Variants in SAMD4A observed in about 807,000 individuals in gnomAD.
SAMD4A encodes protein Smaug homolog 1.
SAMD4A carries 33 observed loss-of-function variants against 81.3 expected under a neutral mutation model. The ratio of observed to expected loss-of-function variants is 0.41; its 90% CI spans 0.31 to 0.54. The LOEUF (loss-of-function observed/expected upper bound fraction) is 0.54, where lower values mean the gene tolerates loss of function less well. SAMD4A is among the 20% of genes least tolerant of loss of function. The pLI is 0.37. For synonymous variants in SAMD4A, 389 were observed against 382.1 expected, an observed-to-expected ratio of 1.02 and a Z score of -0.21; for missense variants, 854 against 951.1, an observed-to-expected ratio of 0.90 and a Z score of 1.34.
intron 2 of SAMD4A, among the ~76,000 whole-genome samples, chr14:54,637,564 C>G (rs1387911955): frequency 6.6e-6 from 1 of 151,990 alleles, no homozygotes; most frequent in Non-Finnish European, 1.5e-5. Context: ...CTCTTTCCAC[C>G]TGGAGAAGAG....
chr14:54,588,584 AT>A lies in SAMD4A; in HGVS notation c.196+20480del, dbSNP rs1192404730. Among the ~76,000 whole-genome samples the A allele has an allele frequency of 4.6e-5, 7 of 151,922 alleles. No individual in the cohort carries two copies. The East Asian group carries it at 7.7e-4, about 17-fold the overall frequency. On this transcript the variant is annotated intron_variant, in intron 2 of 12. Coordinates refer to ENST00000554335, the MANE Select transcript of SAMD4A (RefSeq NM_015589.6). ...TGAGTGCTCCTGTGAACATTTAAGT[AT>A]TTTTTTTGTACACTCTTTTCTACAA...
chr14:54,783,640 G>T (rs186412989), intron 11 of SAMD4A, among the ~76,000 whole-genome samples: 1 of 152,370 alleles, frequency 6.6e-6, no homozygotes, highest in Admixed American at 6.5e-5. Context: ...AGTTGCTGTG[G>T]CAGGTGGCTG....
intron 2 of SAMD4A, among the ~76,000 whole-genome samples, chr14:54,677,009 C>A (rs1466992830): frequency 6.6e-6 from 1 of 152,204 alleles, no homozygotes; most frequent in Non-Finnish European, 1.5e-5. Flanking sequence ...ACGGCACATG[C>A]TCTGCCTGAA....
At chr14:54,766,257 C>G (rs2038540217) in intron 8 of SAMD4A, among the ~76,000 whole-genome samples, 1 of 152,032 alleles carries the variant, frequency 6.6e-6, no homozygotes. Context: ...GAAAAAGCGA[C>G]AAAGGAAGAG....
At chr14:54,732,912 C>A (rs898471751) in intron 3 of SAMD4A, among the ~76,000 whole-genome samples, 1 of 152,014 alleles carries the variant, frequency 6.6e-6, no homozygotes, top group African/African-American at 2.4e-5. Flanking sequence ...ACTCTTATTT[C>A]AATAAATAAA....
rs942339167 is a variant in SAMD4A, at chr14:54,654,149, T to C, written c.197-47913T>C. Among the ~76,000 whole-genome samples, 9 of 152,226 alleles carry C rather than the reference T, an allele frequency of 5.9e-5. No individual in the cohort carries two copies. In the South Asian group the frequency reaches 8.3e-4, roughly 14 times the overall value. The stretch of plus-strand genomic sequence containing the variant: ...GTATTCATTCCTCAGAACCGGTAGA[T>C]GACTATGACATATAATACCCAAGCT... On this transcript the variant is annotated intron_variant, in intron 2 of 12. Coordinates refer to ENST00000554335, the MANE Select transcript of SAMD4A (RefSeq NM_015589.6).
rs2039084464 is a variant in SAMD4A, at chr14:54,784,522, C to G, written c.2045-15C>G. 6.2e-7 allele frequency: 1 copy of G among 1,613,948 alleles called. No individual in the cohort carries two copies. Among genetic ancestry groups the G allele is most frequent in the Non-Finnish European group, 8.5e-7 (1 of 1,179,960 alleles). ...TCTCCTCCTTGTCACCAACATAACC[C>G]TTTATCGCCTGCAGAATTCCAGCTT... On this transcript the variant is annotated splice_polypyrimidine_tract_variant and intron_variant, in intron 11 of 12. Transcript: ENST00000554335.
intron 2 of SAMD4A, among the ~76,000 whole-genome samples, chr14:54,667,604 GC>G (rs2035783313): frequency 1.3e-5 from 2 of 152,200 alleles, no homozygotes; most frequent in Admixed American, 6.5e-5. Flanking sequence ...GGGATCACCA[GC>G]CTCTCTGTTG....
Position 54,568,075 on chromosome 14 carries a change from C to G in SAMD4A, c.159C>G (p.Ala53=), listed in dbSNP as rs368799723. 6.1e-5 allele frequency: 97 copies of G among 1,579,730 alleles called. No individual in the cohort carries two copies. The African/African-American group carries it at 9.8e-4, about 16-fold the overall frequency. The part of the protein sequence containing the change: ...LCLEHSLADC[A]ELHVLEREAN... The stretch of plus-strand genomic sequence containing the variant: ...TGGAGCACTCGCTGGCCGACTGCGC[C>G]GAGCTGCACGTCCTCGAACGCGAGG... The change falls in exon 2 of 13, where the codon GCC becomes GCG. Residue 53 remains alanine, a synonymous_variant. Transcript: ENST00000554335.
intron 2 of SAMD4A, among the ~76,000 whole-genome samples, chr14:54,614,815 C>A (rs973273613): frequency 4.6e-5 from 7 of 152,120 alleles, no homozygotes; most frequent in Non-Finnish European, 8.8e-5. Flanking sequence ...ACTGTTTTCT[C>A]CCGATTTAGA....
chr14:54,771,101 G>A lies in SAMD4A; in HGVS notation c.1715+879G>A, dbSNP rs140979164. ...ATTTTGGGCATTTATTTGCGTAAGCGTGCCTTAAAACATCACTATTTTGGA... is the reference window on the plus strand; with the variant it reads ...ATTTTGGGCATTTATTTGCGTAAGCATGCCTTAAAACATCACTATTTTGGA... On this transcript the variant is annotated intron_variant, in intron 9 of 12. Transcript: ENST00000554335. Among the ~76,000 whole-genome samples the A allele has an allele frequency of 7.9e-3, 1,199 of 152,148 alleles. 8 individuals are homozygous for A. The highest frequency in any genetic ancestry group is 0.014 in the Non-Finnish European group (950 of 68,016).
chr14:54,649,939 C>T (rs2035367715), intron 2 of SAMD4A, among the ~76,000 whole-genome samples: 9 of 152,102 alleles, frequency 5.9e-5, no homozygotes, highest in Admixed American at 5.9e-4. Flanking sequence ...TCTTAGTCTA[C>T]TTAGACTTTT....
chr14:54,613,770 T>C (rs1187686494), intron 2 of SAMD4A, among the ~76,000 whole-genome samples: 1 of 152,230 alleles, frequency 6.6e-6, no homozygotes, highest in Non-Finnish European at 1.5e-5. Context: ...ATCTTTAAAG[T>C]GAAGTTCTCA....
At chr14:54,694,796 C>T in intron 2 of SAMD4A, 1 of 985,364 alleles carries the variant, frequency 1.0e-6, no homozygotes, top group Non-Finnish European at 1.2e-6. Context: ...GGACTACTTC[C>T]CAGCTGGCCT....
At chr14:54,772,420 T>C (rs765475652) in intron 9 of SAMD4A, among the ~76,000 whole-genome samples, 15 of 152,206 alleles carry the variant, frequency 9.9e-5, no homozygotes, top group Non-Finnish European at 1.6e-4. Context: ...GGCTTTGTAA[T>C]AACCCTCGAA....
intron 2 of SAMD4A, among the ~76,000 whole-genome samples, chr14:54,673,776 C>T (rs912932610): frequency 5.9e-5 from 9 of 152,226 alleles, no homozygotes; most frequent in Admixed American, 5.9e-4. Flanking sequence ...GCACTTCTTC[C>T]GGTCATCTTA....
chr14:54,737,244 C>G lies in SAMD4A; in HGVS notation c.936C>G (p.Thr312=), dbSNP rs781341633. The G allele has an allele frequency of 6.2e-7, 1 of 1,613,972 alleles. No individual in the cohort carries two copies. The highest frequency in any genetic ancestry group is 1.3e-5 in the African/African-American group (1 of 74,904). ...GGAGTGAACACTTAGAAGATCAGAC[C>G]ACTGCTCGTAACACATTCCAAGAAG... ...SGGSEHLEDQ[T]TARNTFQEEG... The change falls in exon 4 of 13, where the codon ACC becomes ACG. Residue 312 remains threonine, a synonymous_variant. Transcript: ENST00000554335.
intron 11 of SAMD4A, among the ~76,000 whole-genome samples, chr14:54,780,465 G>A (rs1245206704): frequency 1.3e-5 from 2 of 152,210 alleles, no homozygotes; most frequent in Non-Finnish European, 2.9e-5. Flanking sequence ...GGTGCACTGG[G>A]TCCAGTGGGG....
intron 4 of SAMD4A, among the ~76,000 whole-genome samples, chr14:54,744,598 A>G (rs754687391): frequency 2.6e-5 from 4 of 152,208 alleles, no homozygotes; most frequent in African/African-American, 9.6e-5. Flanking sequence ...TTTCTGAAGG[A>G]TGAAGACTGT....
Sources: allele counts gnomAD v4.1 joint callset (sites outside exome capture counted in the v4.1 genomes callset), GRCh38; gene constraint gnomAD v4.1.1; transcripts MANE v1.5; gene names NCBI Gene and HGNC (gene_info 2026-07-23, HGNC 2026-07-21).